Variants in DPP6 observed in about 807,000 individuals in gnomAD.
DPP6 encodes A-type potassium channel modulatory protein DPP6.
In DPP6, 69 loss-of-function variants were observed where a neutral mutation model predicts 122.6. The ratio of observed to expected loss-of-function variants is 0.56; its 90% CI spans 0.46 to 0.69. The LOEUF is 0.69. Among genes scored for constraint, DPP6 ranks in the 30% least tolerant of loss-of-function variants. DPP6 has a pLI of 0.00. For synonymous variants in DPP6, 418 were observed against 433.1 expected (o/e 0.97, Z 0.43); for missense variants, 928 against 1,116.9 (o/e 0.83, Z 2.41).
chr7:154,021,787 C>G (rs1798711838), intron 1 of DPP6, among the ~76,000 whole-genome samples: 1 of 152,190 alleles, frequency 6.6e-6, no homozygotes, highest in Non-Finnish European at 1.5e-5. Flanking sequence ...TGTCCCAGCT[C>G]CTGGACTCTA....
At chr7:154,038,390 A>G (rs1299426042) in intron 1 of DPP6, 1 of 61,514 alleles carries the variant, frequency 1.6e-5, no homozygotes, top group Non-Finnish European at 3.0e-5. Context: ...ATTTTAAAAA[A>G]AAATCACGTG....
rs534743337 is a variant in DPP6 at position 153,989,302 on chromosome 7, TGA to T, written c.51+101570_51+101571del. 3.6e-4 allele frequency among the ~76,000 whole-genome samples: 52 copies of T among 144,158 alleles called. No individual in the cohort carries two copies. The East Asian group carries it at 7.2e-3, about 20-fold the overall frequency. The allele number at this position is 144,158 out of a possible 152,430, so 94.6% of individuals were successfully genotyped here. A position where few individuals can be genotyped will look rare whatever the true frequency, so the allele number is the denominator to read the frequency against. On this transcript the variant is annotated intron_variant, in intron 1 of 25. Coordinates refer to the DPP6 transcript ENST00000404039. The stretch of plus-strand genomic sequence containing the variant: ...ATGTGTGCGTGACTGTGCAAGTGTG[TGA>T]GTGTGGGGAGTAAGATTTGTGTGAG...
intron 1 of DPP6, among the ~76,000 whole-genome samples, chr7:153,989,709 G>A (rs886678036): frequency 1.3e-5 from 2 of 152,032 alleles, no homozygotes; most frequent in African/African-American, 4.8e-5. Context: ...GGGGATGCTT[G>A]GTGTGGTGCA....
At chr7:153,967,093 T>TAAA (rs372253796) in intron 1 of DPP6, among the ~76,000 whole-genome samples, 2 of 146,642 alleles carry the variant, frequency 1.4e-5, no homozygotes, top group African/African-American at 5.1e-5. Flanking sequence ...ACACAAAAGA[T>TAAA]AAAAAAAAAA....
chr7:153,828,847 A>G, the DPP6 span, among the ~76,000 whole-genome samples: 8 of 152,256 alleles, frequency 5.3e-5, no homozygotes, highest in Non-Finnish European at 1.0e-4. Context: ...TGAAAACATA[A>G]TATTTTAAAA....
chr7:154,777,737 T>C (rs1563199037), intron 10 of DPP6, among the ~76,000 whole-genome samples: 1 of 152,076 alleles, frequency 6.6e-6, no homozygotes, highest in Non-Finnish European at 1.5e-5. Flanking sequence ...GCAGCTGCTC[T>C]TCTCCTGATT....
chr7:154,082,847 T>TTTCTTTC (rs555445046), intron 1 of DPP6, among the ~76,000 whole-genome samples: 13 of 82,994 alleles, frequency 1.6e-4, no homozygotes, highest in South Asian at 3.7e-4. Flanking sequence ...TTTCTTTTTC[T>TTTCTTTC]TTTTTTTTTT....
chr7:154,304,291 G>A (rs970346125), intron 1 of DPP6, among the ~76,000 whole-genome samples: 2 of 152,202 alleles, frequency 1.3e-5, no homozygotes, highest in Non-Finnish European at 2.9e-5. Context: ...CTTCTGGAGG[G>A]CCAGGAGATA....
chr7:154,559,229 A>G (rs1830247825), intron 4 of DPP6, among the ~76,000 whole-genome samples: 1 of 151,112 alleles, frequency 6.6e-6, no homozygotes, highest in Non-Finnish European at 1.5e-5. Flanking sequence ...AGATTAAAAA[A>G]AAAAAAAATT....
chr7:154,139,917 T>C (rs566778584), intron 1 of DPP6, among the ~76,000 whole-genome samples: 4 of 152,252 alleles, frequency 2.6e-5, no homozygotes, highest in Admixed American at 6.5e-5. Context: ...GCATTGCCCT[T>C]GGGAAAGGAG....
intron 1 of DPP6, among the ~76,000 whole-genome samples, chr7:154,367,667 A>T (rs1474041126): frequency 6.6e-6 from 1 of 152,252 alleles, no homozygotes. Flanking sequence ...AACATACCCA[A>T]CATATATTTT....
chr7:154,552,240 T>C (rs118001071), intron 4 of DPP6, among the ~76,000 whole-genome samples: 1,568 of 152,284 alleles, frequency 0.01, 26 homozygotes, highest in East Asian at 0.068. Flanking sequence ...AGCTATGTAG[T>C]GGAGCAAAAG....
chr7:154,041,863 A>G (rs1370040272), intron 1 of DPP6, among the ~76,000 whole-genome samples: 2 of 151,704 alleles, frequency 1.3e-5, no homozygotes, highest in African/African-American at 4.8e-5. Flanking sequence ...GGTTCAAGTG[A>G]TTCTCCTGCC....
chr7:154,195,215 A>G (rs1296983859), intron 1 of DPP6, among the ~76,000 whole-genome samples: 1 of 152,134 alleles, frequency 6.6e-6, no homozygotes, highest in East Asian at 1.9e-4. Flanking sequence ...TTCCAATACC[A>G]TTTCTCGAAA....
Position 154,540,552 on chromosome 7 carries a change from G to A in DPP6, c.478G>A (p.Glu160Lys), listed in dbSNP as rs1337479266. 1 of 1,607,524 alleles carries A rather than the reference G, an allele frequency of 6.2e-7. No individual in the cohort carries two copies. The highest frequency in any genetic ancestry group is 2.2e-5 in the East Asian group (1 of 44,700). ...TACAGATACAGAATTCATCTACAGA[G>A]AACAGAAAGGAACAGTGAGACTGTG... ...WISDTEFIYR[E>K]QKGTVRLWNV... The change falls in exon 4 of 26, where the codon GAA becomes AAA. Residue 160 changes from glutamate to lysine, a missense_variant. By Grantham distance (56) the Glu-to-Lys change is moderately conservative. Coordinates refer to ENST00000377770, the MANE Select transcript of DPP6 (RefSeq NM_130797.4).
chr7:153,917,296 T>A (rs1800368974), intron 1 of DPP6, among the ~76,000 whole-genome samples: 1 of 152,232 alleles, frequency 6.6e-6, no homozygotes, highest in African/African-American at 2.4e-5. Flanking sequence ...GGGAATATAT[T>A]CTGGGAGCAG....
chr7:154,463,831 C>T (rs1014336043), intron 2 of DPP6, among the ~76,000 whole-genome samples: 6 of 152,144 alleles, frequency 3.9e-5, no homozygotes, highest in East Asian at 1.9e-4. Flanking sequence ...ATCCAAGTTG[C>T]AAGACAATTT....
intron 1 of DPP6, among the ~76,000 whole-genome samples, chr7:154,223,643 T>C (rs1269756046): frequency 6.7e-6 from 1 of 148,928 alleles, no homozygotes; most frequent in Non-Finnish European, 1.5e-5. Flanking sequence ...GGCAGAAACA[T>C]GTGGCCAAGT....
Position 154,202,917 on chromosome 7 carries a change from T to C in DPP6, c.243+149854T>C, listed in dbSNP as rs547085022. Among the ~76,000 whole-genome samples the C allele has an allele frequency of 2.0e-5, 3 of 152,308 alleles. No individual in the cohort carries two copies. The South Asian group carries it at 6.2e-4, about 32-fold the overall frequency. ...GCTAACAGGCACAGGCATGCATACA[T>C]ACACACGAAGCATTTTATTTTTTTA... On this transcript the variant is annotated intron_variant, in intron 1 of 25. Transcript: ENST00000377770.
Sources: allele counts gnomAD v4.1 joint callset (sites outside exome capture counted in the v4.1 genomes callset), GRCh38; gene constraint gnomAD v4.1.1; transcripts MANE v1.5; gene names NCBI Gene and HGNC (gene_info 2026-07-23, HGNC 2026-07-21).